Variants in CHMP4C observed in about 807,000 individuals in gnomAD.
CHMP4C encodes charged multivesicular body protein 4C, also known as SNF7 homolog associated with Alix 3.
A neutral mutation model predicts 29.0 loss-of-function variants in CHMP4C; 28 were observed. The observed-to-expected ratio is 0.97, with a 90% CI of 0.72 to 1.32. CHMP4C has a LOEUF of 1.32. Ranked by LOEUF, CHMP4C falls within the 40% of genes most tolerant of loss-of-function variation. The probability of loss-of-function intolerance (pLI) is 0.00; values close to 1 mark genes in which losing one functional copy is unlikely to be tolerated. For synonymous variants in CHMP4C, 106 were observed against 102.4 expected, an observed-to-expected ratio of 1.04 and a Z score of -0.21; for missense variants, 291 against 281.0, an observed-to-expected ratio of 1.04 and a Z score of -0.25.
chr8:81,753,715 AG>A (rs1808938228), intron 2 of CHMP4C, among the ~76,000 whole-genome samples: 1 of 152,152 alleles, frequency 6.6e-6, no homozygotes, highest in Admixed American at 6.6e-5. Flanking sequence ...ACAGAAGAAT[AG>A]TCATGAGCAT....
chr8:81,750,393 G>T (rs959285473), intron 1 of CHMP4C, among the ~76,000 whole-genome samples: 3 of 151,014 alleles, frequency 2.0e-5, no homozygotes, highest in African/African-American at 7.3e-5. Context: ...TTGAGGCCAG[G>T]AATTTGAGAC....
chr8:81,758,933 G>A lies in CHMP4C; in HGVS notation c.*389G>A. 2 of 162,642 alleles carry A rather than the reference G, an allele frequency of 1.2e-5. No individual in the cohort carries two copies. The highest frequency in any genetic ancestry group is 2.7e-5 in the Non-Finnish European group (2 of 75,174). The allele number at this position is 162,642 out of a possible 1,614,324, so 10.1% of individuals were successfully genotyped here. ...GGAGAATCGCTTGAGCCCAGGAGAT[G>A]GAGGTTGCAGTGAGCCAAGATCATG... On this transcript the variant is annotated 3_prime_UTR_variant, in exon 5 of 5. Transcript: ENST00000297265.
chr8:81,733,356 C>G lies in CHMP4C; in HGVS notation c.190+540C>G, dbSNP rs138661246. Among the ~76,000 whole-genome samples, 12 of 152,204 alleles carry G rather than the reference C, an allele frequency of 7.9e-5. No homozygotes were observed. In the South Asian group the frequency reaches 1.5e-3, roughly 18 times the overall value. On this transcript the variant is annotated intron_variant, in intron 1 of 4. Coordinates refer to ENST00000297265, the MANE Select transcript of CHMP4C (RefSeq NM_152284.4). ...CCTGGTCCAGCTTTTTCTAGGCCAG[C>G]CTTGCTGACTCCAACACTAACCATG...
chr8:81,736,076 A>G (rs75844476), intron 1 of CHMP4C, among the ~76,000 whole-genome samples: 6,788 of 148,718 alleles, frequency 0.046, 183 homozygotes, highest in South Asian at 0.084. Flanking sequence ...ACAGAGTCAG[A>G]CTATGTCTCA....
intron 3 of CHMP4C, 69 bp downstream of exon 3, chr8:81,755,553 T>A: frequency 1.2e-6 from 1 of 832,078 alleles, no homozygotes; most frequent in Non-Finnish European, 2.0e-6. Flanking sequence ...TCATATATAG[T>A]AGGCATGTTC....
In CHMP4C at chr8:81,758,473, G is replaced by A; in HGVS notation, c.638-7G>A. 6.2e-7 allele frequency: 1 copy of A among 1,610,002 alleles called. No individual in the cohort carries two copies. Among genetic ancestry groups the A allele is most frequent in the South Asian group, 1.1e-5 (1 of 90,836 alleles). On this transcript the variant is annotated splice_region_variant and splice_polypyrimidine_tract_variant and intron_variant, in intron 4 of 4. Coordinates refer to ENST00000297265, the MANE Select transcript of CHMP4C (RefSeq NM_152284.4). Reference sequence around the variant, plus strand: ...AATTACTAATTTTTATCTATTTTATGTTCCAGCATCTTCCCAGAGGGCAGA... The same window carrying A: ...AATTACTAATTTTTATCTATTTTATATTCCAGCATCTTCCCAGAGGGCAGA...
At chr8:81,749,102 A>C (rs1184264325) in intron 1 of CHMP4C, among the ~76,000 whole-genome samples, 1 of 152,150 alleles carries the variant, frequency 6.6e-6, no homozygotes, top group Admixed American at 6.6e-5. Flanking sequence ...CAGAACAGCA[A>C]ACTAAAGCTT....
intron 1 of CHMP4C, among the ~76,000 whole-genome samples, chr8:81,744,941 C>T (rs747821606): frequency 2.0e-4 from 31 of 152,158 alleles, no homozygotes; most frequent in Non-Finnish European, 8.8e-5. Flanking sequence ...TGGGATGCCT[C>T]TGGCCAAATG....
chr8:81,750,527 G>A (rs569637787), intron 1 of CHMP4C, among the ~76,000 whole-genome samples: 1 of 151,968 alleles, frequency 6.6e-6, no homozygotes, highest in African/African-American at 2.4e-5. Context: ...GATTGCTTGA[G>A]CCAGGAGTTC....
chr8:81,755,464 T>C lies in CHMP4C; in HGVS notation c.463T>C (p.Phe155Leu). 2 of 1,610,650 alleles carry C rather than the reference T, an allele frequency of 1.2e-6. No individual in the cohort carries two copies. The highest frequency in any genetic ancestry group is 2.2e-5 in the South Asian group (2 of 90,878). Residue 155 changes from phenylalanine to leucine, a missense_variant, in exon 3 of 5, where the codon TTT (phenylalanine) becomes CTT (leucine). Physicochemically the swap from Phe to Leu is conservative, Grantham distance 22 (BLOSUM62 0). Coordinates refer to ENST00000297265, the MANE Select transcript of CHMP4C (RefSeq NM_152284.4). Reference sequence around the variant, plus strand: ...AGAAGCATTTTCTCAACGGGTTGGCTTTGGTGATGACTTTGATGAGGTACG... The same window carrying C: ...AGAAGCATTTTCTCAACGGGTTGGCCTTGGTGATGACTTTGATGAGGTACG... ...ISEAFSQRVG[F>L]GDDFDEDELM...
intron 1 of CHMP4C, among the ~76,000 whole-genome samples, chr8:81,737,622 A>G (rs1426991753): frequency 6.6e-6 from 1 of 152,212 alleles, no homozygotes; most frequent in African/African-American, 2.4e-5. Flanking sequence ...CAGACAGCCA[A>G]ATAAAGTCCC....
chr8:81,757,092 A>G (rs1056744811), intron 3 of CHMP4C, among the ~76,000 whole-genome samples: 1 of 152,120 alleles, frequency 6.6e-6, no homozygotes, highest in African/African-American at 2.4e-5. Context: ...CTCTTTCCCC[A>G]CAGTGTTATT....
rs747784974 is a variant in CHMP4C, at chr8:81,758,296, G to T, written c.637+1G>T. 1.2e-6 allele frequency: 2 copies of T among 1,613,918 alleles called. No individual in the cohort carries two copies. Among genetic ancestry groups the T allele is most frequent in the Admixed American group, 1.7e-5 (1 of 59,972 alleles). ...TCCACTGCACGTCGATCCCGAGCAGGTCTGTTACCCAGCTCAACTACATGT... is the reference window on the plus strand; with the variant it reads ...TCCACTGCACGTCGATCCCGAGCAGTTCTGTTACCCAGCTCAACTACATGT... On this transcript the variant is annotated splice_donor_variant, in intron 4 of 4. Coordinates refer to ENST00000297265, the MANE Select transcript of CHMP4C (RefSeq NM_152284.4). LOFTEE classifies it high-confidence loss of function.
intron 1 of CHMP4C, among the ~76,000 whole-genome samples, chr8:81,747,990 A>G (rs569630334): frequency 1.3e-5 from 2 of 152,122 alleles, no homozygotes; most frequent in South Asian, 2.1e-4. Flanking sequence ...ACCGGAGTCT[A>G]TCTCACCTCT....
At chr8:81,738,499 T>C (rs1808721404) in intron 1 of CHMP4C, among the ~76,000 whole-genome samples, 1 of 152,226 alleles carries the variant, frequency 6.6e-6, no homozygotes, top group Non-Finnish European at 1.5e-5. Context: ...AGAAGGAGTG[T>C]GCACAATCCC....
chr8:81,736,742 C>T (rs1228194958), intron 1 of CHMP4C, among the ~76,000 whole-genome samples: 2 of 152,152 alleles, frequency 1.3e-5, no homozygotes, highest in African/African-American at 4.8e-5. Flanking sequence ...TGGAGCACCT[C>T]AAAGTACCTA....
intron 1 of CHMP4C, among the ~76,000 whole-genome samples, chr8:81,738,365 G>A (rs572853674): frequency 2.6e-5 from 4 of 152,160 alleles, no homozygotes; most frequent in Non-Finnish European, 4.4e-5. Context: ...TGTCTGTTTG[G>A]AGAAGTGAGT....
chr8:81,736,656 C>T lies in CHMP4C; in HGVS notation c.190+3840C>T, dbSNP rs554279074. 5.3e-5 allele frequency among the ~76,000 whole-genome samples: 8 copies of T among 152,156 alleles called. No homozygotes were observed. The East Asian group carries it at 7.7e-4, about 15-fold the overall frequency. On this transcript the variant is annotated intron_variant, in intron 1 of 4. Transcript: ENST00000297265. ...TAGTTTAGGTGGGTTTCTGATGGTG[C>T]GCACCTCTAATAGGGCACAGCACCT...
At chr8:81,740,541 A>G (rs1390336056) in intron 1 of CHMP4C, among the ~76,000 whole-genome samples, 1 of 152,054 alleles carries the variant, frequency 6.6e-6, no homozygotes, top group Non-Finnish European at 1.5e-5. Context: ...GAACCCCCGG[A>G]GCTAAGGCAT....
Sources: allele counts gnomAD v4.1 joint callset (sites outside exome capture counted in the v4.1 genomes callset), GRCh38; gene constraint gnomAD v4.1.1; transcripts MANE v1.5; gene names NCBI Gene and HGNC (gene_info 2026-07-23, HGNC 2026-07-21).